The following FOXP1 variants were observed in gnomAD, a reference collection of about 807,000 sequenced individuals.
FOXP1 encodes the protein forkhead box P1.
Under a neutral mutation model 98.2 loss-of-function variants are expected in FOXP1, and 15 were observed. That is an observed-to-expected ratio of 0.15 (90% confidence interval 0.10 to 0.24). The LOEUF (loss-of-function observed/expected upper bound fraction) is 0.24. FOXP1 is among the 10% of genes least tolerant of loss of function. The probability of loss-of-function intolerance (pLI) is 1.00; values close to 1 mark genes in which losing one functional copy is unlikely to be tolerated. For synonymous variants in FOXP1, 371 were observed against 314.5 expected (o/e 1.18, Z -1.90); for missense variants, 633 against 848.5 (o/e 0.75, Z 3.15).
intron 6 of FOXP1, among the ~76,000 whole-genome samples, chr3:71,139,158 G>C (rs1443389580): frequency 1.3e-5 from 2 of 152,118 alleles, no homozygotes; most frequent in African/African-American, 4.8e-5. Flanking sequence ...GGAAATTGGG[G>C]CATACATAGA....
chr3:71,045,064 A>G (rs1455214628), intron 10 of FOXP1, among the ~76,000 whole-genome samples: 1 of 152,214 alleles, frequency 6.6e-6, no homozygotes, highest in African/African-American at 2.4e-5. Context: ...AGAGATGGAA[A>G]TAACACTGGT....
chr3:71,254,657 T>G (rs2068485620), intron 5 of FOXP1, among the ~76,000 whole-genome samples: 1 of 152,172 alleles, frequency 6.6e-6, no homozygotes, highest in Non-Finnish European at 1.5e-5. Context: ...GAAGGTGAAT[T>G]CCAGTTACAC....
chr3:71,325,075 T>C (rs2075608594), intron 4 of FOXP1, among the ~76,000 whole-genome samples: 1 of 142,734 alleles, frequency 7.0e-6, no homozygotes, highest in African/African-American at 2.5e-5. Context: ...TTTTTTGAGA[T>C]GTTGTCTTGC....
intron 5 of FOXP1, among the ~76,000 whole-genome samples, chr3:71,294,603 T>G (rs1328792867): frequency 6.6e-6 from 1 of 152,016 alleles, no homozygotes; most frequent in East Asian, 1.9e-4. Flanking sequence ...AATATATGTA[T>G]GTATGTACAT....
intron 14 of FOXP1, among the ~76,000 whole-genome samples, chr3:70,987,134 T>G (rs1267913518): frequency 6.6e-6 from 1 of 152,244 alleles, no homozygotes; most frequent in Non-Finnish European, 1.5e-5. Flanking sequence ...AGTGTACCTT[T>G]AAATTTTACA....
chr3:71,051,252 C>T (rs1008296590), intron 9 of FOXP1, among the ~76,000 whole-genome samples: 19 of 152,198 alleles, frequency 1.2e-4, no homozygotes, highest in Non-Finnish European at 2.6e-4. Context: ...TAGCAGCACC[C>T]GGTAGAGCGC....
chr3:70,969,443 G>A (rs1197152440), intron 19 of FOXP1: 1 of 152,228 alleles, frequency 6.6e-6, no homozygotes, highest in East Asian at 1.9e-4. Context: ...CTGAAACTGG[G>A]TAAATGGCCT....
intron 6 of FOXP1, among the ~76,000 whole-genome samples, chr3:71,180,909 C>T (rs898389096): frequency 6.6e-6 from 1 of 152,066 alleles, no homozygotes; most frequent in Non-Finnish European, 1.5e-5. Flanking sequence ...AGTAACGTTG[C>T]TAGTAGGTAT....
At chr3:71,123,586 T>C (rs2107837947) in intron 6 of FOXP1, among the ~76,000 whole-genome samples, 1 of 152,280 alleles carries the variant, frequency 6.6e-6, no homozygotes. Context: ...TTAACCCAAA[T>C]TTCACTAAAG....
chr3:71,403,116 G>A (rs1455743382), intron 3 of FOXP1, among the ~76,000 whole-genome samples: 3 of 152,142 alleles, frequency 2.0e-5, no homozygotes, highest in South Asian at 2.1e-4. Flanking sequence ...TTTCTTTCTG[G>A]TAGAAATATC....
At chr3:71,526,993 C>T (rs986183100) in intron 2 of FOXP1, among the ~76,000 whole-genome samples, 4 of 151,926 alleles carry the variant, frequency 2.6e-5, no homozygotes, top group African/African-American at 9.7e-5. Context: ...AAAAGTTCCC[C>T]TCTGCAGGGA....
At chr3:70,972,204 G>A in intron 18 of FOXP1, 1 of 1,503,336 alleles carries the variant, frequency 6.7e-7, no homozygotes, top group Non-Finnish European at 8.8e-7. Context: ...AGCAGCAAAG[G>A]AGATGGAGTG....
chr3:71,384,996 A>G (rs952395233), intron 3 of FOXP1, among the ~76,000 whole-genome samples: 1 of 152,084 alleles, frequency 6.6e-6, no homozygotes, highest in African/African-American at 2.4e-5. Flanking sequence ...ATAATACAGC[A>G]TTTCTTTGGC....
intron 7 of FOXP1, among the ~76,000 whole-genome samples, chr3:71,077,564 C>T (rs1055315122): frequency 6.6e-6 from 1 of 152,162 alleles, no homozygotes; most frequent in Non-Finnish European, 1.5e-5. Context: ...ATCTTCCCAA[C>T]CATGGCACTA....
At chr3:70,985,616 C>T (rs2039606922) in intron 14 of FOXP1, among the ~76,000 whole-genome samples, 2 of 152,176 alleles carry the variant, frequency 1.3e-5, no homozygotes, top group Non-Finnish European at 2.9e-5. Context: ...TTACTTCTTA[C>T]ATGTAAGTTA....
intron 5 of FOXP1, among the ~76,000 whole-genome samples, chr3:71,273,445 TTC>T (rs1282171414): frequency 1.4e-4 from 22 of 152,238 alleles, no homozygotes; most frequent in Admixed American, 1.4e-3. Flanking sequence ...AACTGCTTCC[TTC>T]TCTCCTCTAA....
At chr3:71,204,204 T>C (rs1237550815) in intron 5 of FOXP1, among the ~76,000 whole-genome samples, 1 of 152,154 alleles carries the variant, frequency 6.6e-6, no homozygotes, top group Non-Finnish European at 1.5e-5. Flanking sequence ...TTCATGCCAC[T>C]GAGGAAAAAA....
chr3:71,204,305 A>AG (rs1052672816), intron 5 of FOXP1, among the ~76,000 whole-genome samples: 1 of 152,226 alleles, frequency 6.6e-6, no homozygotes, highest in East Asian at 1.9e-4. Context: ...TAATGTGCAA[A>AG]GGGTTTACAA....
At chr3:71,310,079 C>CA (rs1353346465) in intron 4 of FOXP1, among the ~76,000 whole-genome samples, 1 of 152,206 alleles carries the variant, frequency 6.6e-6, no homozygotes, top group East Asian at 1.9e-4. Context: ...TTATTCAGCT[C>CA]AGTCTACAAA....
Sources: allele counts gnomAD v4.1 joint callset (sites outside exome capture counted in the v4.1 genomes callset), GRCh38; gene constraint gnomAD v4.1.1; transcripts MANE v1.5; gene names NCBI Gene and HGNC (gene_info 2026-07-23, HGNC 2026-07-21).